Variants in STAU2 observed in about 807,000 individuals in gnomAD.
STAU2 encodes staufen double-stranded RNA binding protein 2, also known as double-stranded RNA-binding protein Staufen homolog 2.
In STAU2, 20 loss-of-function variants were observed where a neutral mutation model predicts 65.9. The ratio of observed to expected loss-of-function variants is 0.30; its 90% CI spans 0.21 to 0.44. STAU2 has a LOEUF of 0.44. STAU2 is among the 20% of genes least tolerant of loss of function. The pLI is 1.00. For missense variants in STAU2, 558 were observed against 683.9 expected, an observed-to-expected ratio of 0.82 and a Z score of 2.05; for synonymous variants, 232 against 233.9, an observed-to-expected ratio of 0.99 and a Z score of 0.07.
chr8:73,710,393 G>A (rs201303463), intron 3 of STAU2, among the ~76,000 whole-genome samples: 32 of 81,754 alleles, frequency 3.9e-4, no homozygotes, highest in Non-Finnish European at 5.9e-4. Flanking sequence ...TTTTTTTTTT[G>A]TATTATAGTT....
chr8:73,498,072 T>C (rs1821528066), intron 13 of STAU2, among the ~76,000 whole-genome samples: 2 of 151,852 alleles, frequency 1.3e-5, no homozygotes, highest in Admixed American at 1.3e-4. Context: ...ATAAAAATCA[T>C]GTCCGTTGAA....
At chr8:73,504,713 GAA>G (rs1027833548) in intron 13 of STAU2, among the ~76,000 whole-genome samples, 2 of 141,390 alleles carry the variant, frequency 1.4e-5, no homozygotes, top group African/African-American at 2.6e-5. Flanking sequence ...CAGCTGATTT[GAA>G]AAAAAAAACA....
chr8:73,551,864 TG>T, intron 13 of STAU2, 147 bp downstream of exon 13: 1 of 1,317,482 alleles, frequency 7.6e-7, no homozygotes, highest in Non-Finnish European at 9.7e-7. Flanking sequence ...ATGGCTTTTT[TG>T]TCTGTCCTTT....
intron 4 of STAU2, among the ~76,000 whole-genome samples, chr8:73,707,375 T>A (rs1820584251): frequency 6.6e-6 from 1 of 152,184 alleles, no homozygotes; most frequent in Non-Finnish European, 1.5e-5. Flanking sequence ...CAGTTATTGG[T>A]AATGATAAGG....
At chr8:73,427,412 G>A (rs1457351332) in intron 13 of STAU2, among the ~76,000 whole-genome samples, 1 of 152,214 alleles carries the variant, frequency 6.6e-6, no homozygotes, top group Non-Finnish European at 1.5e-5. Context: ...CATCCTGGTT[G>A]TTGACCTTCT....
At chr8:73,506,099 T>G (rs1822051547) in intron 13 of STAU2, among the ~76,000 whole-genome samples, 1 of 152,172 alleles carries the variant, frequency 6.6e-6, no homozygotes, top group African/African-American at 2.4e-5. Context: ...TAATGAACCC[T>G]ATTTTCTTTA....
chr8:73,643,855 A>C (rs565157884), intron 6 of STAU2, among the ~76,000 whole-genome samples: 3 of 152,170 alleles, frequency 2.0e-5, no homozygotes, highest in Non-Finnish European at 4.4e-5. Flanking sequence ...GTTACATGGA[A>C]ACTCATAACA....
At position 73,550,659 on chromosome 8, in the gene STAU2, G is replaced by A. The variant is rs111746539; in HGVS notation, c.1530+1353C>T. 43 of 982,158 alleles carry A rather than the reference G, an allele frequency of 4.4e-5. No individual in the cohort carries two copies. In the African/African-American group the frequency reaches 7.3e-4, roughly 17 times the overall value. 60.8% of individuals were successfully genotyped at this position (982,158 alleles called of 1,614,324 possible). The stretch of plus-strand genomic sequence containing the variant: ...TATAAATTGAGATCTTTTTTAAACA[G>A]TGATTTATTGTGTTTCTTAAGGTAA... On this transcript the variant is annotated intron_variant, in intron 13 of 14. Coordinates refer to ENST00000524300, the MANE Select transcript of STAU2 (RefSeq NM_001164380.2).
chr8:73,515,225 A>G (rs1295374577), intron 13 of STAU2, among the ~76,000 whole-genome samples: 1 of 152,228 alleles, frequency 6.6e-6, no homozygotes, highest in African/African-American at 2.4e-5. Flanking sequence ...ACCATGGGGA[A>G]GTCCCAGAGG....
At chr8:73,649,948 T>A (rs2130215215) in intron 6 of STAU2, among the ~76,000 whole-genome samples, 1 of 144,128 alleles carries the variant, frequency 6.9e-6, no homozygotes, top group Admixed American at 7.0e-5. Flanking sequence ...ACCCTTCATC[T>A]AGCTTTCCCT....
chr8:73,743,661 C>T (rs955193137), intron 1 of STAU2, among the ~76,000 whole-genome samples: 2 of 151,278 alleles, frequency 1.3e-5, no homozygotes, highest in South Asian at 4.2e-4. Context: ...TTAGTAGAGA[C>T]GGGGTTTCTC....
intron 4 of STAU2, among the ~76,000 whole-genome samples, chr8:73,706,197 A>G (rs543869630): frequency 6.6e-6 from 1 of 152,116 alleles, no homozygotes; most frequent in African/African-American, 2.4e-5. Context: ...GCTCACTGCA[A>G]CCTCTACCTC....
chr8:73,512,279 T>A (rs1460525871), intron 13 of STAU2, among the ~76,000 whole-genome samples: 2 of 152,194 alleles, frequency 1.3e-5, no homozygotes, highest in South Asian at 4.1e-4. Context: ...TCAACTGCTA[T>A]CCCCAAAAGC....
intron 13 of STAU2, among the ~76,000 whole-genome samples, chr8:73,427,773 G>A (rs1181282268): frequency 1.3e-5 from 2 of 152,234 alleles, no homozygotes; most frequent in African/African-American, 4.8e-5. Context: ...CATTTTCACG[G>A]AGTGGGCTCA....
intron 13 of STAU2, among the ~76,000 whole-genome samples, chr8:73,543,292 A>G (rs1029179233): frequency 3.3e-5 from 5 of 152,178 alleles, no homozygotes; most frequent in African/African-American, 1.2e-4. Context: ...GGCGGAGGCA[A>G]ATCTTTTGCA....
In STAU2 at chr8:73,469,597, TG is replaced by T. The variant is rs199891792; in HGVS notation, c.1531-46896del. On this transcript the variant is annotated intron_variant, in intron 13 of 14. Coordinates refer to ENST00000524300, the MANE Select transcript of STAU2 (RefSeq NM_001164380.2). Reference sequence around the variant, plus strand: ...AGGTCACTGAATCACAACCACTTCTTGTTGTCTCTAAAGAAGACAGGTTGGG... The same window carrying T: ...AGGTCACTGAATCACAACCACTTCTTTTGTCTCTAAAGAAGACAGGTTGGG... 5.5e-3 allele frequency among the ~76,000 whole-genome samples: 836 copies of T among 152,102 alleles called. 5 individuals carry two copies. The highest frequency in any genetic ancestry group is 0.02 in the African/African-American group (811 of 41,476).
chr8:73,712,472 T>C (rs1481309971), intron 3 of STAU2, among the ~76,000 whole-genome samples: 2 of 152,200 alleles, frequency 1.3e-5, no homozygotes, highest in African/African-American at 2.4e-5. Context: ...TTGAATGAGA[T>C]AATACCAAAC....
intron 6 of STAU2, among the ~76,000 whole-genome samples, chr8:73,643,248 C>T (rs1055021356): frequency 1.3e-5 from 2 of 152,224 alleles, no homozygotes; most frequent in African/African-American, 4.8e-5. Context: ...ATCCTCCACA[C>T]TAGGCAGCTA....
chr8:73,492,575 T>C (rs999900593), intron 13 of STAU2, among the ~76,000 whole-genome samples: 1 of 151,874 alleles, frequency 6.6e-6, no homozygotes, highest in Non-Finnish European at 1.5e-5. Flanking sequence ...CACACACATA[T>C]ACACAAACCT....
Sources: allele counts gnomAD v4.1 joint callset (sites outside exome capture counted in the v4.1 genomes callset), GRCh38; gene constraint gnomAD v4.1.1; transcripts MANE v1.5; gene names NCBI Gene and HGNC (gene_info 2026-07-23, HGNC 2026-07-21).